The following FAM133A variants were observed in gnomAD, a reference collection of about 807,000 sequenced individuals.
FAM133A encodes protein FAM133A.
For synonymous variants in FAM133A, 65 were observed against 58.6 expected (o/e 1.11, Z -0.50); for missense variants, 159 against 164.4 (o/e 0.97, Z 0.18).
intron 2 of FAM133A, among the ~76,000 whole-genome samples, chrX:93,696,169 G>A (rs1044873960): frequency 1.9e-4 from 21 of 111,433 alleles, no homozygotes; most frequent in African/African-American, 6.5e-4. Flanking sequence ...ACTACAACGA[G>A]CGTTGAGGAG....
chrX:93,680,102 C>T (rs1435586225), intron 2 of FAM133A, among the ~76,000 whole-genome samples: 1 of 107,825 alleles, frequency 9.3e-6, no homozygotes, highest in Non-Finnish European at 1.9e-5. Context: ...ACAGTATCTC[C>T]TCAAACCCCC....
chrX:93,697,166 G>GTT (rs1237102276), intron 2 of FAM133A, among the ~76,000 whole-genome samples: 3 of 51,607 alleles, frequency 5.8e-5, no homozygotes, highest in Non-Finnish European at 9.1e-5. Context: ...ATATAGGCAA[G>GTT]TTATATATAT....
Position 93,709,962 on chromosome X carries a change from G to A in FAM133A, c.543G>A (p.Lys181=). ...KDVRSLSKKR[K]KSYPDDKPLS... ...TAAGAAGCCTCAGCAAAAAAAGAAA[G>A]AAAAGTTACCCTGATGATAAACCTT... Residue 181 remains lysine (K), a synonymous_variant, in exon 4 of 4, where the codon AAG becomes AAA. Transcript: ENST00000683942. 1 of 1,189,354 alleles carries A rather than the reference G, an allele frequency of 8.4e-7. No individual in the cohort carries two copies. The highest frequency in any genetic ancestry group is 1.1e-6 in the Non-Finnish European group (1 of 888,273).
Position 93,709,653 on chromosome X carries a change from G to C in FAM133A, c.234G>C (p.Glu78Asp). 1 of 1,189,648 alleles carries C rather than the reference G, an allele frequency of 8.4e-7. No homozygotes were observed. Among genetic ancestry groups the C allele is most frequent in the Non-Finnish European group, 1.1e-6 (1 of 887,782 alleles). The change falls in exon 4 of 4, where the codon GAG (glutamate) becomes GAC (aspartate). Residue 78 changes from glutamate (E) to aspartate (D), a missense_variant. Transcript: ENST00000683942. ...AGAAAGAACTTGAAAAAAGCAGAGA[G>C]AAATTATTAAGTGGAAATGAGAGCT... ...NWKKELEKSR[E>D]KLLSGNESSS...
intron 3 of FAM133A, among the ~76,000 whole-genome samples, chrX:93,708,032 A>C (rs1927150679): frequency 8.9e-6 from 1 of 112,165 alleles, no homozygotes; most frequent in African/African-American, 3.2e-5. Context: ...ATACAGAAAA[A>C]TGAGGATGAG....
At chrX:93,684,606 T>C (rs1925389200) in intron 2 of FAM133A, among the ~76,000 whole-genome samples, 1 of 112,014 alleles carries the variant, frequency 8.9e-6, no homozygotes, top group African/African-American at 3.2e-5. Context: ...TAGATGCATA[T>C]ATGTTCTGTG....
At chrX:93,695,259 T>G (rs997250777) in intron 2 of FAM133A, among the ~76,000 whole-genome samples, 1 of 106,882 alleles carries the variant, frequency 9.4e-6, no homozygotes, top group Non-Finnish European at 1.9e-5. Flanking sequence ...TTTGTTTTTG[T>G]TTTTTTTTTC....
rs1469505663 is a variant in FAM133A at position 93,693,738 on chromosome X, G to T, written c.-192-4659G>T. On this transcript the variant is annotated intron_variant, in intron 2 of 3. Transcript: ENST00000683942. Reference sequence around the variant, plus strand: ...CCTTCTAAAGGTAGCATTCATCCATGCATTTTAGTACTAATTTTATTGCTT... The same window carrying T: ...CCTTCTAAAGGTAGCATTCATCCATTCATTTTAGTACTAATTTTATTGCTT... Among the ~76,000 whole-genome samples, 17 of 111,290 alleles carry T rather than the reference G, an allele frequency of 1.5e-4. 1 individual carries two copies. Among genetic ancestry groups the T allele is most frequent in the Non-Finnish European group, 1.9e-5 (1 of 52,887 alleles).
chrX:93,699,831 T>C (rs778244318), intron 3 of FAM133A, among the ~76,000 whole-genome samples: 1 of 111,431 alleles, frequency 9.0e-6, no homozygotes, highest in South Asian at 3.8e-4. Flanking sequence ...CTACTTAAAG[T>C]ATTTTCCTAT....
chrX:93,688,299 G>T (rs1356881673), intron 2 of FAM133A, among the ~76,000 whole-genome samples: 2 of 110,541 alleles, frequency 1.8e-5, no homozygotes, highest in African/African-American at 6.6e-5. Flanking sequence ...TGTAAGGATT[G>T]CCTTTTCTCC....
intron 2 of FAM133A, among the ~76,000 whole-genome samples, chrX:93,697,190 T>TATAA (rs1176351541): frequency 1.3e-4 from 13 of 97,836 alleles, no homozygotes; most frequent in Admixed American, 3.4e-4. Flanking sequence ...TATATATATA[T>TATAA]AATATATCAT....
intron 3 of FAM133A, among the ~76,000 whole-genome samples, chrX:93,707,911 C>T (rs1360217711): frequency 8.9e-6 from 1 of 111,991 alleles, no homozygotes; most frequent in African/African-American, 3.2e-5. Flanking sequence ...ATGACCTTTA[C>T]CCTTCTTGGT....
chrX:93,687,890 G>A (rs768479519), intron 2 of FAM133A, among the ~76,000 whole-genome samples: 55 of 111,581 alleles, frequency 4.9e-4, no homozygotes, highest in Non-Finnish European at 9.6e-4. Flanking sequence ...ACGTATTAGT[G>A]AGACCATGTG....
intron 2 of FAM133A, among the ~76,000 whole-genome samples, chrX:93,690,024 T>C: frequency 9.3e-6 from 1 of 107,910 alleles, no homozygotes; most frequent in Middle Eastern, 4.8e-3. Flanking sequence ...TAACCAACTA[T>C]ATGAGATGAA....
chrX:93,678,856 A>C (rs2147580015), intron 2 of FAM133A, among the ~76,000 whole-genome samples: 1 of 111,816 alleles, frequency 8.9e-6, no homozygotes, highest in African/African-American at 3.2e-5. Flanking sequence ...TCCATTTGTT[A>C]GATGCATTTG....
intron 2 of FAM133A, among the ~76,000 whole-genome samples, chrX:93,692,833 A>G (rs1276634296): frequency 1.8e-5 from 2 of 111,686 alleles, no homozygotes; most frequent in Admixed American, 9.6e-5. Context: ...AGCATTTCCT[A>G]GCACAGTGTT....
chrX:93,674,141 G>A (rs1655434331), upstream of FAM133A: 1 of 110,914 alleles, frequency 9.0e-6, no homozygotes, highest in African/African-American at 3.3e-5. Flanking sequence ...GGGGAGAGTC[G>A]GTTATTGGCA....
chrX:93,673,849 A>C (rs1924480923), upstream of FAM133A, among the ~76,000 whole-genome samples: 1 of 108,844 alleles, frequency 9.2e-6, no homozygotes, highest in Non-Finnish European at 1.9e-5. Context: ...TATAATTAAA[A>C]AAGAAAAAAA....
upstream of FAM133A, chrX:93,673,978 C>T (rs965053112): frequency 3.6e-4 from 3 of 8,222 alleles, no homozygotes; most frequent in African/African-American, 1.8e-3. Flanking sequence ...GGTCTCTTGA[C>T]AAAAAGCTGT....
Sources: allele counts gnomAD v4.1 joint callset (sites outside exome capture counted in the v4.1 genomes callset), GRCh38; gene constraint gnomAD v4.1.1; transcripts MANE v1.5; gene names NCBI Gene and HGNC (gene_info 2026-07-23, HGNC 2026-07-21).